CDH23: variants seen among roughly 807,000 people sequenced by gnomAD.
CDH23 encodes cadherin-23.
CDH23 carries 189 observed loss-of-function variants against 317.1 expected under a neutral mutation model. The observed-to-expected ratio is 0.60, with a 90% CI of 0.53 to 0.67. CDH23 has a LOEUF of 0.67. Among genes scored for constraint, CDH23 ranks in the 30% least tolerant of loss-of-function variants. The pLI is 0.00. For missense variants in CDH23, 4,401 were observed against 4,592.4 expected (o/e 0.96, Z 1.20); for synonymous variants, 1,839 against 1,876.8 (o/e 0.98, Z 0.52).
chr10:71,687,347 G>A (rs1381033479), intron 18 of CDH23, among the ~76,000 whole-genome samples: 3 of 152,084 alleles, frequency 2.0e-5, no homozygotes, highest in Admixed American at 6.5e-5. Context: ...GGGGAGCCTG[G>A]GGAGCTGGCA....
chr10:71,739,858 C>A, intron 36 of CDH23, 86 bp downstream of exon 36: 1 of 1,433,530 alleles, frequency 7.0e-7, no homozygotes, highest in Non-Finnish European at 9.3e-7. Context: ...AGAGCCTGTC[C>A]ATCAGCACAC....
At chr10:71,793,694 T>G (rs1289929400) in intron 48 of CDH23, 54 bp downstream of exon 48, 3 of 1,284,418 alleles carry the variant, frequency 2.3e-6, no homozygotes, top group East Asian at 2.5e-5. Flanking sequence ...TCCTGTCTCC[T>G]CGCTCCCTGC....
At chr10:71,484,124 C>T (rs1279380501) in intron 3 of CDH23, among the ~76,000 whole-genome samples, 2 of 152,206 alleles carry the variant, frequency 1.3e-5, no homozygotes, top group Non-Finnish European at 2.9e-5. Context: ...GCATGGTGGC[C>T]CCATTACTCA....
intron 3 of CDH23, among the ~76,000 whole-genome samples, chr10:71,469,985 T>C (rs1348901839): frequency 1.3e-5 from 2 of 152,198 alleles, no homozygotes; most frequent in African/African-American, 4.8e-5. Context: ...ATCATATGTA[T>C]AGGTTTAATG....
chr10:71,646,104 T>G (rs1862841596), intron 13 of CDH23, 124 bp downstream of exon 13: 1 of 1,301,870 alleles, frequency 7.7e-7, no homozygotes, highest in Admixed American at 2.5e-5. Flanking sequence ...CTTGTGGATC[T>G]GACTCAGATA....
chr10:71,687,663 C>T lies in CDH23; in HGVS notation c.2003C>T (p.Pro668Leu), dbSNP rs770217672. 1 of 1,613,906 alleles carries T rather than the reference C, an allele frequency of 6.2e-7. No individual in the cohort carries two copies. The highest frequency in any genetic ancestry group is 8.5e-7 in the Non-Finnish European group (1 of 1,179,872). ...TIEVFDENDN[P>L]PTFSKPAYFV... ...TCCTTCCAGGATGAGAATGACAACC[C>T]TCCCACCTTCAGCAAGCCCGCCTAC... The change falls in exon 19 of 70, where the codon CCT (proline) becomes CTT (leucine). Residue 668 changes from proline to leucine, a missense_variant. By Grantham distance (98) the Pro-to-Leu change is moderately conservative. Around this residue, in one of 3 missense-constraint regions of CDH23, gnomAD observed 3,068 missense variants for 3,203.3 expected, o/e 0.96. Coordinates refer to ENST00000224721, the MANE Select transcript of CDH23 (RefSeq NM_022124.6).
intron 1 of CDH23, among the ~76,000 whole-genome samples, chr10:71,432,766 T>C (rs1849456576): frequency 6.6e-6 from 1 of 152,100 alleles, no homozygotes; most frequent in Admixed American, 6.5e-5. Context: ...AAAGACCCAG[T>C]GGGGCTGGAC....
Position 71,533,525 on chromosome 10 carries a change from C to CCACACACACACACACACACACACA in CDH23, c.429+22335_429+22358dup, listed in dbSNP as rs55659529. On this transcript the variant is annotated intron_variant, in intron 6 of 69. Coordinates refer to ENST00000224721, the MANE Select transcript of CDH23 (RefSeq NM_022124.6). ...ATTGTGACCCTAGGCTGGCTGGACA[C>CCACACACACACACACACACACACA]CACACACACACACACACACACACAC... 7.6e-5 allele frequency among the ~76,000 whole-genome samples: 10 copies of CCACACACACACACACACACACACA among 130,822 alleles called. No homozygotes were observed. The East Asian group carries it at 1.1e-3, about 15-fold the overall frequency. The allele number at this position is 130,822 out of a possible 152,430, so 85.8% of individuals were successfully genotyped here.
intron 3 of CDH23, among the ~76,000 whole-genome samples, chr10:71,459,394 A>G (rs1396696642): frequency 6.6e-6 from 1 of 152,152 alleles, no homozygotes; most frequent in South Asian, 2.1e-4. Flanking sequence ...TAAGTCAGGT[A>G]TTTTAAACCG....
Position 71,725,517 on chromosome 10 carries a change from C to T in CDH23, c.3576C>T (p.Val1192=), listed in dbSNP as rs1404779190. 2 of 1,612,616 alleles carry T rather than the reference C, an allele frequency of 1.2e-6. No homozygotes were observed. Among genetic ancestry groups the T allele is most frequent in the Non-Finnish European group, 1.7e-6 (2 of 1,179,360 alleles). Residue 1192 remains valine, a synonymous_variant, in exon 30 of 70, where the codon GTC becomes GTT. Coordinates refer to ENST00000224721, the MANE Select transcript of CDH23 (RefSeq NM_022124.6). ...ACCTGGGCCCCATGCGGAGCTCCGTCAGGGTGAGGCTAGGGGCGGGCTGGG... is the reference window on the plus strand; with the variant it reads ...ACCTGGGCCCCATGCGGAGCTCCGTTAGGGTGAGGCTAGGGGCGGGCTGGG... The part of the protein sequence containing the change: ...NHDLGPMRSS[V]RVIVYVEDIN...
intron 32 of CDH23, among the ~76,000 whole-genome samples, chr10:71,733,623 C>T (rs1393028256): frequency 2.6e-5 from 4 of 152,204 alleles, no homozygotes; most frequent in Non-Finnish European, 5.9e-5. Context: ...CACAATGTCA[C>T]AGAAAGCTCT....
chr10:71,732,518 G>C, intron 32 of CDH23, 143 bp downstream of exon 32: 3 of 1,365,022 alleles, frequency 2.2e-6, no homozygotes, highest in Non-Finnish European at 3.0e-6. Context: ...TGTAGTCCCA[G>C]CTGCTTGAGA....
At chr10:71,766,129 G>C (rs1431510107) in intron 38 of CDH23, among the ~76,000 whole-genome samples, 1 of 152,244 alleles carries the variant, frequency 6.6e-6, no homozygotes, top group African/African-American at 2.4e-5. Flanking sequence ...GTGCAGCCCG[G>C]CTAAAATTAC....
At chr10:71,594,360 CCTCT>C (rs1355218939) in intron 9 of CDH23, among the ~76,000 whole-genome samples, 2 of 148,546 alleles carry the variant, frequency 1.3e-5, no homozygotes, top group South Asian at 2.1e-4. Flanking sequence ...TCTCTCCCTC[CCTCT>C]CTCTCTCTCT....
At chr10:71,767,850 G>A (rs926154264) in intron 38 of CDH23, among the ~76,000 whole-genome samples, 5 of 152,184 alleles carry the variant, frequency 3.3e-5, no homozygotes, top group Admixed American at 6.5e-5. Flanking sequence ...TGAAGGAAGC[G>A]GCACTTCCAG....
chr10:71,637,408 A>G (rs1862328180), intron 11 of CDH23, among the ~76,000 whole-genome samples: 1 of 152,230 alleles, frequency 6.6e-6, no homozygotes, highest in South Asian at 2.1e-4. Context: ...GCTCTCCTCT[A>G]TTGAACACTT....
chr10:71,429,381 T>C (rs542310371), intron 1 of CDH23, among the ~76,000 whole-genome samples: 11 of 152,332 alleles, frequency 7.2e-5, no homozygotes, highest in African/African-American at 2.4e-4. Context: ...CAAGTCCCTC[T>C]GCACAAGGTA....
intron 1 of CDH23, among the ~76,000 whole-genome samples, chr10:71,412,248 C>T (rs892113093): frequency 1.3e-5 from 2 of 152,146 alleles, no homozygotes; most frequent in African/African-American, 2.4e-5. Flanking sequence ...TGGTTCTTAT[C>T]AATAATGATG....
chr10:71,738,617 C>T lies in CDH23; in HGVS notation c.4329C>T (p.Ala1443=), dbSNP rs1250010897. 9 of 1,613,522 alleles carry T rather than the reference C, an allele frequency of 5.6e-6. No homozygotes were observed. Among genetic ancestry groups the T allele is most frequent in the Non-Finnish European group, 6.8e-6 (8 of 1,179,856 alleles). ...GCCAGCGAGTGGCTACTGTCAAGGC[C>T]TGGGACCCTGATGCTGGCAGCAATG... ...PVGQRVATVK[A]WDPDAGSNGQ... The change falls in exon 35 of 70, where the codon GCC becomes GCT. Residue 1443 remains alanine, a synonymous_variant. Transcript: ENST00000224721.
Sources: allele counts gnomAD v4.1 joint callset (sites outside exome capture counted in the v4.1 genomes callset), GRCh38; gene constraint gnomAD v4.1.1; regional missense constraint gnomAD v4.1.1; transcripts MANE v1.5; gene names NCBI Gene and HGNC (gene_info 2026-07-23, HGNC 2026-07-21).